DNAH7: variants seen among roughly 807,000 people sequenced by gnomAD.
DNAH7 encodes the protein axonemal beta dynein heavy chain 7.
In DNAH7, 397 loss-of-function variants were observed where a neutral mutation model predicts 444.6. The observed-to-expected ratio is 0.89, with a 90% CI of 0.82 to 0.97. The LOEUF is 0.97. Among genes scored for constraint, DNAH7 ranks in the 50% least tolerant of loss-of-function variants. The probability of loss-of-function intolerance (pLI) is 0.00; values close to 1 mark genes in which losing one functional copy is unlikely to be tolerated. For missense variants in DNAH7, 4,902 were observed against 4,800.8 expected (o/e 1.02, Z -0.62); for synonymous variants, 1,636 against 1,624.4 (o/e 1.01, Z -0.17).
intron 15 of DNAH7, among the ~76,000 whole-genome samples, chr2:195,972,868 T>G (rs948874780): frequency 2.0e-5 from 3 of 152,204 alleles, no homozygotes; most frequent in African/African-American, 7.2e-5. Flanking sequence ...CTGCCCTCCC[T>G]GAGTTTGCAG....
chr2:196,039,745 G>C (rs569258597), intron 5 of DNAH7, among the ~76,000 whole-genome samples: 14 of 149,014 alleles, frequency 9.4e-5, no homozygotes, highest in African/African-American at 3.5e-4. Flanking sequence ...GTTGGAGTGA[G>C]CCTAGGTTAC....
At chr2:196,024,837 C>A (rs529482351) in intron 7 of DNAH7, among the ~76,000 whole-genome samples, 8 of 151,578 alleles carry the variant, frequency 5.3e-5, no homozygotes, top group Non-Finnish European at 8.8e-5. Context: ...GTCAACAATA[C>A]AGGATAGCAG....
Position 195,756,247 on chromosome 2 carries a change from A to C in DNAH7, c.11472T>G (p.Val3824=). The C allele has an allele frequency of 6.2e-7, 1 of 1,613,756 alleles. No individual in the cohort carries two copies. Among genetic ancestry groups the C allele is most frequent in the Non-Finnish European group, 8.5e-7 (1 of 1,179,734 alleles). The part of the protein sequence containing the change: ...AVMSTDLEEV[V]SSILNVKIPE... ...GAATTTTGACATTCAAAATGCTGCT[A>C]ACCACTTCTTCAAGATCTGTAGACA... Residue 3824 remains valine, a synonymous_variant, in exon 62 of 65, where the codon GTT becomes GTG. Coordinates refer to ENST00000312428, the MANE Select transcript of DNAH7 (RefSeq NM_018897.3).
intron 13 of DNAH7, 76 bp from the exon 14 acceptor site, chr2:195,987,269 AATTTTT>A (rs1692982016): frequency 1.7e-6 from 2 of 1,178,088 alleles, no homozygotes; most frequent in East Asian, 2.7e-5. Flanking sequence ...CCATTCTCAT[AATTTTT>A]ATTTTTGTGT....
intron 10 of DNAH7, among the ~76,000 whole-genome samples, chr2:196,009,192 G>A (rs978187536): frequency 3.3e-5 from 5 of 152,084 alleles, no homozygotes; most frequent in Non-Finnish European, 7.4e-5. Flanking sequence ...TAGGGATTAC[G>A]TTTCAATATG....
chr2:195,939,647 T>C (rs1405478046), intron 19 of DNAH7, among the ~76,000 whole-genome samples: 4 of 152,200 alleles, frequency 2.6e-5, no homozygotes, highest in African/African-American at 9.6e-5. Context: ...GTCATTTTTT[T>C]GGTTAAAAGA....
intron 29 of DNAH7, among the ~76,000 whole-genome samples, chr2:195,896,244 T>C (rs1298062796): frequency 2.6e-5 from 4 of 152,236 alleles, no homozygotes; most frequent in Admixed American, 6.5e-5. Flanking sequence ...AGTGATATTT[T>C]GTTACGGTTT....
At chr2:195,943,910 A>C (rs1320754971) in intron 19 of DNAH7, among the ~76,000 whole-genome samples, 1 of 152,172 alleles carries the variant, frequency 6.6e-6, no homozygotes, top group Non-Finnish European at 1.5e-5. Context: ...CTCCTTTTGC[A>C]GTTGCACCTG....
chr2:195,855,807 A>T lies in DNAH7; in HGVS notation c.8595+4T>A. ...TGTCCATCTTTTTCTATATCAGCAC[A>T]CACCTGGTTTTCCAGGTCAGCCTTC... On this transcript the variant is annotated splice_donor_region_variant and intron_variant, in intron 45 of 64. Transcript: ENST00000312428. 1 of 1,612,430 alleles carries T rather than the reference A, an allele frequency of 6.2e-7. No individual in the cohort carries two copies. The highest frequency in any genetic ancestry group is 8.5e-7 in the Non-Finnish European group (1 of 1,179,332).
intron 14 of DNAH7, 130 bp from the exon 15 acceptor site, chr2:195,984,840 A>C: frequency 1.2e-6 from 1 of 828,574 alleles, no homozygotes. Context: ...ATGACATCTA[A>C]TAATTAAAAG....
At chr2:195,884,287 G>C (rs971489459) in intron 35 of DNAH7, among the ~76,000 whole-genome samples, 2 of 152,174 alleles carry the variant, frequency 1.3e-5, no homozygotes, top group Non-Finnish European at 2.9e-5. Flanking sequence ...TATGTGCCTG[G>C]TGTGATTCTA....
chr2:195,893,119 G>GC (rs1574689287), intron 30 of DNAH7: 3 of 149,694 alleles, frequency 2.0e-5, no homozygotes, highest in Admixed American at 2.0e-4. Flanking sequence ...AATTTTTTGT[G>GC]TTTTTTTTTA....
Position 195,960,799 on chromosome 2 carries a change from T to C in DNAH7, c.2352A>G (p.Thr784=), listed in dbSNP as rs756266426. The C allele has an allele frequency of 9.3e-6, 15 of 1,614,098 alleles. No homozygotes were observed. In the East Asian group the frequency reaches 2.5e-4, roughly 26 times the overall value. The change falls in exon 18 of 65, where the codon ACA becomes ACG. Residue 784 remains threonine (T), a synonymous_variant. Transcript: ENST00000312428. ...VEFSSNYRAW[T]EGPYHKVNPD... ...GATTCACTTTATGATATGGCCCTTCTGTCCATGCTCTATAGTTGCTGCTAA... is the reference window on the plus strand; with the variant it reads ...GATTCACTTTATGATATGGCCCTTCCGTCCATGCTCTATAGTTGCTGCTAA...
chr2:195,809,623 TAAC>T (rs1696869087), intron 52 of DNAH7, 119 bp downstream of exon 52: 1 of 945,658 alleles, frequency 1.1e-6, no homozygotes, highest in East Asian at 3.9e-5. Context: ...TTAACTATAA[TAAC>T]AAACAGTATT....
Position 196,007,647 on chromosome 2 carries a change from G to C in DNAH7, c.989+5140C>G, listed in dbSNP as rs185796326. On this transcript the variant is annotated intron_variant, in intron 10 of 64. Transcript: ENST00000312428. The stretch of plus-strand genomic sequence containing the variant: ...TTGAATCACAGGGGCAGTTTCCCCT[G>C]TACTCTTCTTGTGGTAGTGAATAAG... Among the ~76,000 whole-genome samples the C allele has an allele frequency of 3.9e-5, 6 of 152,202 alleles. No homozygotes were observed. In the East Asian group the frequency reaches 9.6e-4, roughly 24 times the overall value.
At chr2:195,797,992 C>T (rs1296394463) in intron 55 of DNAH7, among the ~76,000 whole-genome samples, 4 of 152,192 alleles carry the variant, frequency 2.6e-5, no homozygotes, top group Admixed American at 1.3e-4. Context: ...TGCAAAAATA[C>T]ATAATTCAAA....
chr2:195,897,156 T>C (rs1702368593), intron 29 of DNAH7, among the ~76,000 whole-genome samples: 1 of 152,190 alleles, frequency 6.6e-6, no homozygotes, highest in Admixed American at 6.5e-5. Context: ...ACTTTAACCA[T>C]TATTCTAATA....
chr2:196,048,303 C>T lies in DNAH7; in HGVS notation c.243G>A (p.Gln81=). 1 of 1,611,572 alleles carries T rather than the reference C, an allele frequency of 6.2e-7. No individual in the cohort carries two copies. Among genetic ancestry groups the T allele is most frequent in the South Asian group, 1.1e-5 (1 of 90,940 alleles). Reference sequence around the variant, plus strand: ...GAATATTGAAGTTCTTACCATGGGACTGTTCATTTTTAACACTAAATGGTT... The same window carrying T: ...GAATATTGAAGTTCTTACCATGGGATTGTTCATTTTTAACACTAAATGGTT... ...SPEPFSVKNE[Q]SHAEYMERFG... Residue 81 remains glutamine, a synonymous_variant, in exon 4 of 65, where the codon CAG becomes CAA. Coordinates refer to ENST00000312428, the MANE Select transcript of DNAH7 (RefSeq NM_018897.3).
intron 24 of DNAH7, among the ~76,000 whole-genome samples, chr2:195,921,820 AAGTC>A (rs1688043697): frequency 6.6e-6 from 1 of 152,322 alleles, no homozygotes; most frequent in Non-Finnish European, 1.5e-5. Context: ...ATCCAAGAAA[AAGTC>A]AGAAAGTTTC....
Sources: allele counts gnomAD v4.1 joint callset (sites outside exome capture counted in the v4.1 genomes callset), GRCh38; gene constraint gnomAD v4.1.1; transcripts MANE v1.5; gene names NCBI Gene and HGNC (gene_info 2026-07-23, HGNC 2026-07-21).